The following NRF1 variants were observed in gnomAD, a reference collection of about 807,000 sequenced individuals.
NRF1 encodes nuclear respiratory factor 1, also known as alpha palindromic-binding protein.
A neutral mutation model predicts 58.5 loss-of-function variants in NRF1; 5 were observed. The ratio of observed to expected loss-of-function variants is 0.09; its 90% confidence interval spans 0.04 to 0.18. NRF1 has a LOEUF of 0.18. Ranked by LOEUF, NRF1 falls within the 10% of genes least tolerant of loss-of-function variation. NRF1 has a pLI of 1.00. For synonymous variants in NRF1, 224 were observed against 246.7 expected (o/e 0.91, Z 0.86); for missense variants, 288 against 657.7 (o/e 0.44, Z 6.15).
intron 7 of NRF1, among the ~76,000 whole-genome samples, chr7:129,711,154 A>G (rs1387055823): frequency 6.6e-6 from 1 of 152,102 alleles, no homozygotes. Context: ...ACCTCTTCTG[A>G]GGTAAAACAC....
intron 9 of NRF1, among the ~76,000 whole-genome samples, chr7:129,719,527 C>T (rs1007901426): frequency 1.2e-5 from 1 of 83,660 alleles, no homozygotes; most frequent in South Asian, 4.5e-4. Flanking sequence ...CACACACACA[C>T]ACACACACAC....
At chr7:129,649,944 G>A (rs1330806607) in intron 1 of NRF1, among the ~76,000 whole-genome samples, 2 of 151,830 alleles carry the variant, frequency 1.3e-5, no homozygotes, top group Non-Finnish European at 2.9e-5. Flanking sequence ...GTAGAGAGGG[G>A]GTCTCCCTAT....
At chr7:129,754,953 C>T (rs986093375) in intron 10 of NRF1, 65 bp from the exon 11 acceptor site, 8 of 1,461,956 alleles carry the variant, frequency 5.5e-6, no homozygotes, top group East Asian at 5.2e-5. Flanking sequence ...TGGGTGCCCC[C>T]GTCCAGCCAG....
chr7:129,740,856 A>G (rs938602872), intron 10 of NRF1, among the ~76,000 whole-genome samples: 9 of 152,174 alleles, frequency 5.9e-5, no homozygotes, highest in Non-Finnish European at 1.3e-4. Context: ...TGAAGGCTTA[A>G]AGACTGCAGA....
intron 2 of NRF1, among the ~76,000 whole-genome samples, chr7:129,661,400 T>C (rs1182138692): frequency 6.6e-6 from 1 of 151,258 alleles, no homozygotes; most frequent in Non-Finnish European, 1.5e-5. Context: ...GCTGCAAATT[T>C]TCCAAACTTT....
chr7:129,629,500 CCT>C (rs1801000596), intron 1 of NRF1, among the ~76,000 whole-genome samples: 1 of 151,968 alleles, frequency 6.6e-6, no homozygotes, highest in South Asian at 2.1e-4. Context: ...TTCTCAAACT[CCT>C]GACCTCAGGT....
chr7:129,671,472 G>A lies in NRF1; in HGVS notation c.267G>A (p.Lys89=). 6.2e-7 allele frequency: 1 copy of A among 1,614,136 alleles called. No individual in the cohort carries two copies. ...CTGCTGCTGCTGTGGCAACAGGAAA[G>A]AAACGGAAACGGCCTCATGTATTTG... ...MAAAAAVATG[K]KRKRPHVFES... Residue 89 remains lysine, a synonymous_variant, in exon 3 of 11, where the codon AAG becomes AAA. Transcript: ENST00000393232.
At chr7:129,668,895 G>A (rs1243000134) in intron 2 of NRF1, among the ~76,000 whole-genome samples, 1 of 152,158 alleles carries the variant, frequency 6.6e-6, no homozygotes, top group African/African-American at 2.4e-5. Context: ...AGGACTTTCT[G>A]GAGTGATGTT....
In NRF1 at chr7:129,727,363, A is replaced by G; in HGVS notation, c.1346A>G (p.Asn449Ser). Residue 449 changes from asparagine (N) to serine (S), a missense_variant and splice_region_variant, in exon 10 of 11, where the codon AAT (asparagine) becomes AGT (serine). Around this residue, in one of 3 missense-constraint regions of NRF1, gnomAD observed 212 missense variants for 559.7 expected, o/e 0.38. Transcript: ENST00000393232. ...VGALTGVQDA[N>S]GLVQIPVSMY... ...GCACTTACTGGAGTCCAAGATGCTAATGGTAAGAGAGCATAAATATTTTAT... is the reference window on the plus strand; with the variant it reads ...GCACTTACTGGAGTCCAAGATGCTAGTGGTAAGAGAGCATAAATATTTTAT... The G allele has an allele frequency of 6.3e-7, 1 of 1,586,860 alleles. No individual in the cohort carries two copies. The highest frequency in any genetic ancestry group is 8.5e-7 in the Non-Finnish European group (1 of 1,171,338).
At chr7:129,696,985 A>G (rs1409672762) in intron 5 of NRF1, among the ~76,000 whole-genome samples, 1 of 152,146 alleles carries the variant, frequency 6.6e-6, no homozygotes, top group Non-Finnish European at 1.5e-5. Context: ...AGAGGAAGAA[A>G]AATAAAATTT....
chr7:129,640,388 C>T (rs954530312), intron 1 of NRF1, among the ~76,000 whole-genome samples: 2 of 151,848 alleles, frequency 1.3e-5, no homozygotes, highest in Admixed American at 6.6e-5. Flanking sequence ...CGTGGTGGCT[C>T]CCGTCTGTAG....
intron 3 of NRF1, among the ~76,000 whole-genome samples, chr7:129,673,398 A>G (rs1283563796): frequency 1.3e-5 from 2 of 152,174 alleles, no homozygotes; most frequent in Non-Finnish European, 1.5e-5. Flanking sequence ...GGGAAGAGGC[A>G]GTGTTTCTGT....
Position 129,710,562 on chromosome 7 carries a change from A to C in NRF1, c.954A>C (p.Ser318=). Residue 318 remains serine, a synonymous_variant, in exon 7 of 11, where the codon TCA becomes TCC. Transcript: ENST00000393232. ...QTFSNPDGTV[S]LIQVGTGATV... is the part of the protein sequence containing the mutation. ...TTAGTAACCCTGATGGCACTGTCTC[A>C]CTTATCCAGGTGAGTAAACCTGAGG... 3 of 1,528,042 alleles carry C rather than the reference A, an allele frequency of 2.0e-6. No individual in the cohort carries two copies. The highest frequency in any genetic ancestry group is 2.7e-6 in the Non-Finnish European group (3 of 1,101,486). 94.7% of individuals were successfully genotyped at this position (1,528,042 alleles called of 1,614,324 possible). A position where few individuals can be genotyped will look rare whatever the true frequency, so the allele number is the denominator to read the frequency against.
chr7:129,696,117 G>A (rs1167434016), intron 5 of NRF1, among the ~76,000 whole-genome samples: 44 of 146,166 alleles, frequency 3.0e-4, no homozygotes, highest in Non-Finnish European at 2.5e-4. Flanking sequence ...AGTGGTACAT[G>A]CCTGTAATCC....
At chr7:129,650,883 A>G (rs1368410616) in intron 1 of NRF1, among the ~76,000 whole-genome samples, 1 of 152,170 alleles carries the variant, frequency 6.6e-6, no homozygotes, top group African/African-American at 2.4e-5. Context: ...CACTTTAGCT[A>G]TCCAGGGAAT....
chr7:129,738,965 T>G (rs1364754152), intron 10 of NRF1, among the ~76,000 whole-genome samples: 1 of 152,236 alleles, frequency 6.6e-6, no homozygotes, highest in African/African-American at 2.4e-5. Context: ...ATGGCCTTTA[T>G]TATTCATCTG....
chr7:129,642,064 C>T (rs1357911921), intron 1 of NRF1, among the ~76,000 whole-genome samples: 7 of 151,786 alleles, frequency 4.6e-5, no homozygotes, highest in African/African-American at 7.3e-5. Flanking sequence ...CTGCAACCTC[C>T]GCCTCCCAGG....
rs560048281 is a variant in NRF1 at position 129,677,541 on chromosome 7, C to T, written c.339-91C>T. 5.5e-5 allele frequency: 65 copies of T among 1,175,314 alleles called. 1 individual carries two copies. Among genetic ancestry groups the T allele is most frequent in the East Asian group, 4.9e-4 (21 of 42,622 alleles). 72.8% of individuals were successfully genotyped at this position (1,175,314 alleles called of 1,614,324 possible). On this transcript the variant is annotated intron_variant, in intron 3 of 10. Transcript: ENST00000393232. Reference sequence around the variant, plus strand: ...TTTTACGTAAAAGAGCATATCTGATCAGAATAAACTGTCTTACCTCATTTG... The same window carrying T: ...TTTTACGTAAAAGAGCATATCTGATTAGAATAAACTGTCTTACCTCATTTG...
chr7:129,618,342 A>G (rs562633096), intron 1 of NRF1, among the ~76,000 whole-genome samples: 7 of 152,164 alleles, frequency 4.6e-5, no homozygotes, highest in African/African-American at 1.7e-4. Flanking sequence ...TTTGGGCTGG[A>G]GCTCAAGGGG....
Sources: allele counts gnomAD v4.1 joint callset (sites outside exome capture counted in the v4.1 genomes callset), GRCh38; gene constraint gnomAD v4.1.1; regional missense constraint gnomAD v4.1.1; transcripts MANE v1.5; gene names NCBI Gene and HGNC (gene_info 2026-07-23, HGNC 2026-07-21).